The following PALLD variants were observed in gnomAD, a reference collection of about 807,000 sequenced individuals.
PALLD encodes palladin.
In PALLD, 61 loss-of-function variants were observed where a neutral mutation model predicts 123.5. That is an observed-to-expected ratio of 0.49 (90% CI 0.40 to 0.61). PALLD has a LOEUF of 0.61. Ranked by LOEUF, PALLD falls within the 20% of genes least tolerant of loss-of-function variation. The pLI is 0.00. For synonymous variants in PALLD, 465 were observed against 496.4 expected (o/e 0.94, Z 0.84); for missense variants, 1,273 against 1,377.0 (o/e 0.92, Z 1.20).
At chr4:168,533,759 G>T (rs1247610708) in intron 2 of PALLD, among the ~76,000 whole-genome samples, 1 of 152,156 alleles carries the variant, frequency 6.6e-6, no homozygotes, top group Non-Finnish European at 1.5e-5. Flanking sequence ...TGGAGAGCCT[G>T]CACCAGGGGA....
At chr4:168,516,769 C>T (rs1266454138) in intron 2 of PALLD, among the ~76,000 whole-genome samples, 1 of 152,172 alleles carries the variant, frequency 6.6e-6, no homozygotes, top group African/African-American at 2.4e-5. Context: ...GAATTGCCAC[C>T]TTTAAAAATC....
chr4:168,609,124 G>A (rs1043918842), intron 2 of PALLD, among the ~76,000 whole-genome samples: 5 of 152,068 alleles, frequency 3.3e-5, no homozygotes, highest in East Asian at 1.9e-4. Flanking sequence ...GCTGTGGCTC[G>A]GGTCAAGATA....
chr4:168,707,244 C>T (rs1784313285), intron 8 of PALLD, among the ~76,000 whole-genome samples: 1 of 152,160 alleles, frequency 6.6e-6, no homozygotes, highest in Admixed American at 6.5e-5. Context: ...TTAGCTACTG[C>T]AATACAGTAG....
chr4:168,754,331 C>G (rs1024823645), intron 10 of PALLD, among the ~76,000 whole-genome samples: 1 of 152,094 alleles, frequency 6.6e-6, no homozygotes, highest in Admixed American at 6.6e-5. Flanking sequence ...TATGAGTATA[C>G]CTTTTAGTTA....
At chr4:168,670,455 C>A (rs758402226) in intron 3 of PALLD, among the ~76,000 whole-genome samples, 1 of 151,764 alleles carries the variant, frequency 6.6e-6, no homozygotes, top group African/African-American at 2.4e-5. Flanking sequence ...GGGCGCGGGC[C>A]GGGCGCGGTG....
chr4:168,741,759 C>A (rs952914685), intron 10 of PALLD, among the ~76,000 whole-genome samples: 1 of 152,200 alleles, frequency 6.6e-6, no homozygotes, highest in Non-Finnish European at 1.5e-5. Flanking sequence ...AGCAATTCAT[C>A]CTGCAAAGAC....
At chr4:168,598,717 T>C in intron 2 of PALLD, 1 of 395,946 alleles carries the variant, frequency 2.5e-6, no homozygotes, top group Non-Finnish European at 5.1e-6. Flanking sequence ...AGCTGTACCC[T>C]TGCCTCCTAT....
intron 10 of PALLD, among the ~76,000 whole-genome samples, chr4:168,738,339 C>T (rs963503733): frequency 6.6e-6 from 1 of 152,330 alleles, no homozygotes; most frequent in South Asian, 2.1e-4. Flanking sequence ...ACAGAGCATA[C>T]ACGAGACTTG....
At chr4:168,714,022 T>C (rs1013823915) in intron 10 of PALLD, among the ~76,000 whole-genome samples, 16 of 150,496 alleles carry the variant, frequency 1.1e-4, no homozygotes, top group Non-Finnish European at 1.9e-4. Context: ...TTTTTGTTTT[T>C]TCGTGTTGCA....
Position 168,927,494 on chromosome 4 carries a change from G to C in PALLD, c.*1314G>C. On this transcript the variant is annotated 3_prime_UTR_variant, in exon 22 of 22. Transcript: ENST00000505667. ...GTAGAGCAAGTTGAAAATGGATTGA[G>C]ACTGCATGGTGGCATAAATGAGAAA... The C allele has an allele frequency of 4.3e-6, 1 of 232,544 alleles. No individual in the cohort carries two copies. Among genetic ancestry groups the C allele is most frequent in the African/African-American group, 2.2e-5 (1 of 45,456 alleles). 14.4% of individuals were successfully genotyped at this position (232,544 alleles called of 1,614,324 possible). A position where few individuals can be genotyped will look rare whatever the true frequency, so the allele number is the denominator to read the frequency against.
chr4:168,745,424 GGGA>G (rs1039332160), intron 10 of PALLD, among the ~76,000 whole-genome samples: 1,955 of 78,910 alleles, frequency 0.025, 111 homozygotes, highest in African/African-American at 0.097. Flanking sequence ...TCTGTGAGAT[GGGA>G]GGGGGGGGCA....
chr4:168,614,639 A>C (rs1342469371), intron 2 of PALLD, among the ~76,000 whole-genome samples: 1 of 152,186 alleles, frequency 6.6e-6, no homozygotes. Context: ...TGCTCATGTA[A>C]ACTTCCAGAT....
chr4:168,781,648 G>A (rs1204493590), intron 10 of PALLD, among the ~76,000 whole-genome samples: 1 of 152,166 alleles, frequency 6.6e-6, no homozygotes, highest in African/African-American at 2.4e-5. Context: ...GCGCTGGGCT[G>A]TAGGTCAGAA....
At chr4:168,828,602 T>G (rs1743748009) in intron 10 of PALLD, among the ~76,000 whole-genome samples, 1 of 152,238 alleles carries the variant, frequency 6.6e-6, no homozygotes, top group Non-Finnish European at 1.5e-5. Flanking sequence ...GTTTTAGTGT[T>G]TTAGTTTTTA....
intron 2 of PALLD, among the ~76,000 whole-genome samples, chr4:168,586,879 A>G (rs971162199): frequency 4.6e-5 from 7 of 152,176 alleles, no homozygotes; most frequent in African/African-American, 1.7e-4. Context: ...AAAAAAATCG[A>G]ACGTTCCCTC....
intron 2 of PALLD, among the ~76,000 whole-genome samples, chr4:168,535,861 A>C (rs1355982391): frequency 6.6e-6 from 1 of 152,210 alleles, no homozygotes; most frequent in African/African-American, 2.4e-5. Flanking sequence ...AATTTAGCAC[A>C]CAATCCAGGC....
chr4:168,645,716 T>C (rs1198389942), intron 2 of PALLD, among the ~76,000 whole-genome samples: 1 of 152,200 alleles, frequency 6.6e-6, no homozygotes, highest in Non-Finnish European at 1.5e-5. Flanking sequence ...TTATTAGTTA[T>C]TTATTTATCT....
Position 168,926,578 on chromosome 4 carries a change from C to T in PALLD, c.*398C>T. On this transcript the variant is annotated 3_prime_UTR_variant, in exon 22 of 22. Transcript: ENST00000505667. The stretch of plus-strand genomic sequence containing the variant: ...TAGATAATGCTAATACAAATATACA[C>T]ATTGCACAGAAAATACACATTTACT... 2.0e-6 allele frequency: 1 copy of T among 503,738 alleles called. No individual in the cohort carries two copies. The highest frequency in any genetic ancestry group is 1.9e-5 in the African/African-American group (1 of 52,030). 31.2% of individuals were successfully genotyped at this position (503,738 alleles called of 1,614,324 possible).
At chr4:168,921,510 A>G (rs1396575661) in intron 17 of PALLD, 24 bp from the exon 18 acceptor site, 1 of 1,495,762 alleles carries the variant, frequency 6.7e-7, no homozygotes, top group Admixed American at 1.9e-5. Flanking sequence ...ACAAAAATTT[A>G]CATGTATTTC....
Sources: gnomAD v4.1 joint callset for allele counts (sites outside exome capture counted in the v4.1 genomes callset) on GRCh38, gnomAD v4.1.1 for gene constraint, MANE v1.5 for transcripts, NCBI Gene and HGNC (gene_info 2026-07-23, HGNC 2026-07-21) for gene names.